The following TMEM43 variants were observed in gnomAD, a reference collection of about 807,000 sequenced individuals.
TMEM43 encodes the protein arrhythmogenic right ventricular dysplasia 5.
A neutral mutation model predicts 49.6 loss-of-function variants in TMEM43; 45 were observed. That is an observed-to-expected ratio of 0.91 (90% CI 0.71 to 1.16). The LOEUF is 1.16. TMEM43 is among the 50% of genes most tolerant of loss of function. The pLI, the probability that TMEM43 is intolerant of heterozygous loss-of-function variation, is 0.00. For synonymous variants in TMEM43, 199 were observed against 207.8 expected (o/e 0.96, Z 0.36); for missense variants, 532 against 516.6 (o/e 1.03, Z -0.29).
intron 3 of TMEM43, 138 bp downstream of exon 3, chr3:14,131,094 T>A: frequency 6.5e-6 from 7 of 1,078,408 alleles, no homozygotes; most frequent in Non-Finnish European, 9.3e-6. Context: ...TCAGCAGCTG[T>A]GTGGACTTGT....
rs1372128693 is a variant in TMEM43, at chr3:14,135,683, A to G, written c.781-124A>G. 6 of 713,548 alleles carry G rather than the reference A, an allele frequency of 8.4e-6. No homozygotes were observed. In the Admixed American group the frequency reaches 1.3e-4, roughly 16 times the overall value. The allele number at this position is 713,548 out of a possible 1,614,324, so 44.2% of individuals were successfully genotyped here. A position where few individuals can be genotyped will look rare whatever the true frequency, so the allele number is the denominator to read the frequency against. On this transcript the variant is annotated intron_variant, in intron 9 of 11. Transcript: ENST00000306077. ...TCCCAGATGGATGTATAGAGAGAGA[A>G]GCCCCAGGGTTTCTGTGCTCACTTC...
At chr3:14,134,972 A>C in intron 8 of TMEM43, 81 bp downstream of exon 8, 4 of 1,601,100 alleles carry the variant, frequency 2.5e-6, no homozygotes, top group Non-Finnish European at 3.4e-6. Context: ...GATTCAGTTC[A>C]GTCGCATGCA....
intron 10 of TMEM43, among the ~76,000 whole-genome samples, chr3:14,137,397 G>A (rs895103036): frequency 2.6e-5 from 4 of 152,200 alleles, no homozygotes; most frequent in East Asian, 1.9e-4. Flanking sequence ...GGAGTGGATG[G>A]GGCCCATGGC....
chr3:14,131,441 G>A (rs1176822770), intron 3 of TMEM43, 139 bp from the exon 4 acceptor site: 6 of 744,278 alleles, frequency 8.1e-6, no homozygotes, highest in South Asian at 1.5e-5. Context: ...ATTCTCCCCT[G>A]CAAAGCAGTG....
chr3:14,134,049 G>C (rs1346909959), intron 7 of TMEM43, among the ~76,000 whole-genome samples: 1 of 152,200 alleles, frequency 6.6e-6, no homozygotes, highest in East Asian at 1.9e-4. Flanking sequence ...TCCAGAGAAT[G>C]ACTCAGGCAT....
In TMEM43 at chr3:14,132,894, C is replaced by G; in HGVS notation, c.471C>G (p.Asn157Lys). Residue 157 changes from asparagine to lysine, a missense_variant, in exon 6 of 12, where the codon AAC (asparagine) becomes AAG (lysine). Transcript: ENST00000306077. ...CTGAATGGAGGTCAGAAATCATCAA[C>G]AGCAAAAACTTCGACCGAGAGATTG... Reference protein sequence around the residue: ...YNTEWRSEIINSKNFDREIGH... With the variant: ...YNTEWRSEIIKSKNFDREIGH... 6.2e-7 allele frequency: 1 copy of G among 1,614,086 alleles called. No homozygotes were observed. The highest frequency in any genetic ancestry group is 8.5e-7 in the Non-Finnish European group (1 of 1,179,994).
At chr3:14,133,135 G>A (rs1200255538) in intron 6 of TMEM43, among the ~76,000 whole-genome samples, 200 bp downstream of exon 6, 2 of 152,174 alleles carry the variant, frequency 1.3e-5, no homozygotes, top group South Asian at 2.1e-4. Flanking sequence ...CAAGCTCCCC[G>A]CAAACAAGTC....
chr3:14,133,081 G>A, intron 6 of TMEM43, 146 bp downstream of exon 6: 1 of 730,350 alleles, frequency 1.4e-6, no homozygotes, highest in African/African-American at 1.7e-5. Context: ...CAAGCCCTGT[G>A]CTGGGCACCA....
intron 7 of TMEM43, 49 bp downstream of exon 7, chr3:14,133,858 C>T: frequency 6.4e-7 from 1 of 1,551,594 alleles, no homozygotes; most frequent in Non-Finnish European, 8.9e-7. Context: ...GCACAAGGCC[C>T]CCCTAGGGCC....
intron 3 of TMEM43, 85 bp downstream of exon 3, chr3:14,131,041 C>G (rs1695088995): frequency 6.6e-7 from 1 of 1,524,956 alleles, no homozygotes; most frequent in African/African-American, 1.4e-5. Context: ...AAGCATGGGC[C>G]TTGGAGATGG....
chr3:14,126,427 C>T (rs1430326389), intron 1 of TMEM43, among the ~76,000 whole-genome samples: 2 of 152,138 alleles, frequency 1.3e-5, no homozygotes, highest in Non-Finnish European at 2.9e-5. Flanking sequence ...CCCAAGCTCT[C>T]GTGGCCGGCT....
Position 14,143,640 on chromosome 3 carries a change from T to C in TMEM43, c.*1845T>C, listed in dbSNP as rs1306356303. 1 of 152,244 alleles carries C rather than the reference T, an allele frequency of 6.6e-6. No individual in the cohort carries two copies. Among genetic ancestry groups the C allele is most frequent in the Non-Finnish European group, 1.5e-5 (1 of 68,042 alleles). 9.4% of individuals were successfully genotyped at this position (152,244 alleles called of 1,614,324 possible). On this transcript the variant is annotated 3_prime_UTR_variant, in exon 12 of 12. Coordinates refer to ENST00000306077, the MANE Select transcript of TMEM43 (RefSeq NM_024334.3). ...GAAAACCAAATTTGTAATATCATTG[T>C]ATTTTTTATTAAAAGTTTTGTAATA...
At position 14,132,975 on chromosome 3, in the gene TMEM43, C is replaced by T. The variant is rs1358704175; in HGVS notation, c.512+40C>T. 5 of 1,500,880 alleles carry T rather than the reference C, an allele frequency of 3.3e-6. No homozygotes were observed. The Admixed American group carries it at 5.0e-5, about 15-fold the overall frequency. 93.0% of individuals were successfully genotyped at this position (1,500,880 alleles called of 1,614,324 possible). ...CAAGGCCTGAGTGCAGCTTTGTCTA[C>T]ACTGGCAGGTCTCCAGCCTCAGTTT... On this transcript the variant is annotated intron_variant, in intron 6 of 11. Transcript: ENST00000306077.
chr3:14,127,487 T>C (rs1695035770), intron 1 of TMEM43, among the ~76,000 whole-genome samples: 2 of 152,190 alleles, frequency 1.3e-5, no homozygotes, highest in Non-Finnish European at 2.9e-5. Context: ...CAGACTGGAA[T>C]GAGTAATGGG....
In TMEM43 at chr3:14,135,811, C is replaced by G; in HGVS notation, c.785C>G (p.Thr262Ser). 1 of 1,613,172 alleles carries G rather than the reference C, an allele frequency of 6.2e-7. No individual in the cohort carries two copies. The highest frequency in any genetic ancestry group is 1.7e-5 in the Admixed American group (1 of 60,028). ...AACACCAGGTCCTCTGACCAGGTCA[C>G]TGTGATTGCCCGGCAGCGGGGTGAC... ...DPDLGPAHVV[T>S]VIARQRGDQL... is the part of the protein sequence containing the mutation. The change falls in exon 10 of 12, where the codon ACT (threonine) becomes AGT (serine). Residue 262 changes from threonine to serine, a missense_variant. Coordinates refer to ENST00000306077, the MANE Select transcript of TMEM43 (RefSeq NM_024334.3).
intron 10 of TMEM43, among the ~76,000 whole-genome samples, chr3:14,136,480 A>T (rs1174366124): frequency 1.3e-5 from 2 of 152,212 alleles, no homozygotes; most frequent in East Asian, 3.9e-4. Context: ...AGAGGAGAAC[A>T]GGTGCTCTGA....
intron 10 of TMEM43, among the ~76,000 whole-genome samples, chr3:14,137,696 C>T (rs1190072722): frequency 6.6e-6 from 1 of 152,250 alleles, no homozygotes; most frequent in African/African-American, 2.4e-5. Context: ...CCACCTGCTA[C>T]AGGACCTTGA....
At chr3:14,129,086 G>T (rs1034143887) in intron 1 of TMEM43, 21 of 411,282 alleles carry the variant, frequency 5.1e-5, no homozygotes, top group Non-Finnish European at 1.0e-4. Flanking sequence ...CTAATCTACG[G>T]TAGGAGAAAT....
rs1027100664 is a variant in TMEM43, at chr3:14,141,478, C to G, written c.1001-115C>G. The G allele has an allele frequency of 4.0e-6, 4 of 1,004,378 alleles. No individual in the cohort carries two copies. The African/African-American group carries it at 6.3e-5, about 16-fold the overall frequency. 62.2% of individuals were successfully genotyped at this position (1,004,378 alleles called of 1,614,324 possible). On this transcript the variant is annotated intron_variant, in intron 11 of 11. Coordinates refer to ENST00000306077, the MANE Select transcript of TMEM43 (RefSeq NM_024334.3). ...CTTGCCTTCCACCCACTGATCCTCTCCCCTCCTCATGCATGTAGCAACATG... is the reference window on the plus strand; with the variant it reads ...CTTGCCTTCCACCCACTGATCCTCTGCCCTCCTCATGCATGTAGCAACATG...
Sources: gnomAD v4.1 joint callset for allele counts (sites outside exome capture counted in the v4.1 genomes callset) on GRCh38, gnomAD v4.1.1 for gene constraint, MANE v1.5 for transcripts, NCBI Gene and HGNC (gene_info 2026-07-23, HGNC 2026-07-21) for gene names.